Variants in CNOT7 observed in about 807,000 individuals in gnomAD.
CNOT7 encodes the protein BTG1-binding factor 1.
Under a neutral mutation model 37.1 loss-of-function variants are expected in CNOT7, and 4 were observed. That is an observed-to-expected ratio of 0.11 (90% CI 0.05 to 0.25). CNOT7 has a LOEUF of 0.25. Ranked by LOEUF, CNOT7 falls within the 10% of genes least tolerant of loss-of-function variation. The pLI is 1.00. For missense variants in CNOT7, 170 were observed against 336.2 expected (o/e 0.51, Z 3.87); for synonymous variants, 128 against 115.6 (o/e 1.11, Z -0.69).
chr8:17,231,396 G>C, intron 6 of CNOT7: 1 of 355,812 alleles, frequency 2.8e-6, no homozygotes, highest in Non-Finnish European at 3.9e-6. Context: ...AAAATGCAAA[G>C]CTAAAAAATC....
At chr8:17,234,642 C>A in intron 5 of CNOT7, 74 bp downstream of exon 5, 1 of 1,464,970 alleles carries the variant, frequency 6.8e-7, no homozygotes, top group Non-Finnish European at 9.6e-7. Flanking sequence ...AAACAACATC[C>A]CAGCCTAGGC....
chr8:17,237,140 T>G (rs180715088), intron 4 of CNOT7, 72 bp downstream of exon 4: 6 of 1,458,672 alleles, frequency 4.1e-6, no homozygotes, highest in Non-Finnish European at 5.7e-6. Flanking sequence ...ATTGCTAACA[T>G]AGTGACCCAA....
rs896993904 is a variant in CNOT7 at position 17,225,731 on chromosome 8, G to C, written c.*4989C>G. On this transcript the variant is annotated 3_prime_UTR_variant, in exon 7 of 7. Transcript: ENST00000361272. ...TGTCTTAATAGAAAAATAAATGACAGGTAACGTTGTTATAAAAGAAACTCT... is the reference window on the plus strand; with the variant it reads ...TGTCTTAATAGAAAAATAAATGACACGTAACGTTGTTATAAAAGAAACTCT... The C allele has an allele frequency of 6.6e-6, 1 of 151,542 alleles. No individual in the cohort carries two copies. The highest frequency in any genetic ancestry group is 1.5e-5 in the Non-Finnish European group (1 of 67,654). The allele number at this position is 151,542 out of a possible 1,614,324, so 9.4% of individuals were successfully genotyped here.
chr8:17,240,648 ACT>A (rs1251254829), intron 3 of CNOT7, among the ~76,000 whole-genome samples: 6 of 152,230 alleles, frequency 3.9e-5, no homozygotes, highest in Non-Finnish European at 7.3e-5. Flanking sequence ...CTTCTCACGT[ACT>A]GAGATCACAA....
At chr8:17,237,444 T>C in intron 3 of CNOT7, 71 bp from the exon 4 acceptor site, 1 of 1,423,134 alleles carries the variant, frequency 7.0e-7, no homozygotes, top group East Asian at 2.3e-5. Flanking sequence ...TCTGCTTACA[T>C]CTATAACTAC....
chr8:17,235,104 C>T (rs1033347991), intron 4 of CNOT7, among the ~76,000 whole-genome samples: 3 of 152,112 alleles, frequency 2.0e-5, no homozygotes, highest in Admixed American at 6.5e-5. Context: ...ACCTACACTA[C>T]CAAACCAGCC....
intron 5 of CNOT7, among the ~76,000 whole-genome samples, chr8:17,233,639 G>T (rs1003428756): frequency 1.3e-5 from 2 of 152,118 alleles, no homozygotes; most frequent in Admixed American, 1.3e-4. Context: ...GCCTCAGCAT[G>T]CAGTGCTTTC....
intron 3 of CNOT7, among the ~76,000 whole-genome samples, chr8:17,240,469 G>A (rs182584091): frequency 3.3e-5 from 5 of 152,104 alleles, no homozygotes; most frequent in Admixed American, 3.3e-4. Context: ...CACCCCTAGT[G>A]TAAATGGTAG....
At position 17,243,961 on chromosome 8, in the gene CNOT7, C is replaced by T. The variant is rs796292198; in HGVS notation, c.118-776G>A. ...TATTAAAAATACTGAGACAAAGATA[C>T]ATCGGTTTAGTATTAGAATTCAAAC... is the stretch of plus-strand genomic sequence containing the variant. On this transcript the variant is annotated intron_variant, in intron 2 of 6. Coordinates refer to ENST00000361272, the MANE Select transcript of CNOT7 (RefSeq NM_013354.7). Among the ~76,000 whole-genome samples the T allele has an allele frequency of 2.7e-4, 41 of 152,250 alleles. 1 individual carries two copies. Among genetic ancestry groups the T allele is most frequent in the African/African-American group, 9.4e-4 (39 of 41,534 alleles).
At chr8:17,237,632 G>GC in intron 3 of CNOT7, 1 of 362,186 alleles carries the variant, frequency 2.8e-6, no homozygotes, top group Non-Finnish European at 5.1e-6. Context: ...AACTCTATTA[G>GC]CCTTTCATAC....
In CNOT7 at chr8:17,227,795, G is replaced by A. The variant is rs192496514; in HGVS notation, c.*2925C>T. The stretch of plus-strand genomic sequence containing the variant: ...ATAATAAAATAGTCCATATTCCAAT[G>A]TGCCTTGAAAGTGTAACATTCAAAG... On this transcript the variant is annotated 3_prime_UTR_variant, in exon 7 of 7. Transcript: ENST00000361272. 6.6e-6 allele frequency: 1 copy of A among 151,958 alleles called. No homozygotes were observed. Among genetic ancestry groups the A allele is most frequent in the East Asian group, 1.9e-4 (1 of 5,160 alleles). 9.4% of individuals were successfully genotyped at this position (151,958 alleles called of 1,614,324 possible). A position where few individuals can be genotyped will look rare whatever the true frequency, so the allele number is the denominator to read the frequency against.
rs1033842450 is a variant in CNOT7 at position 17,230,060 on chromosome 8, T to C, written c.*660A>G. Reference sequence around the variant, plus strand: ...ATGCCAATTAGAAACTGACAGACACTAGATGTGCTTGGAAGATTAAACACT... The same window carrying C: ...ATGCCAATTAGAAACTGACAGACACCAGATGTGCTTGGAAGATTAAACACT... On this transcript the variant is annotated 3_prime_UTR_variant, in exon 7 of 7. Transcript: ENST00000361272. 6 of 152,372 alleles carry C rather than the reference T, an allele frequency of 3.9e-5. No individual in the cohort carries two copies. The highest frequency in any genetic ancestry group is 1.4e-4 in the African/African-American group (6 of 41,412). The allele number at this position is 152,372 out of a possible 1,614,324, so 9.4% of individuals were successfully genotyped here. A position where few individuals can be genotyped will look rare whatever the true frequency, so the allele number is the denominator to read the frequency against.
chr8:17,241,209 C>CTACCTG (rs935431736), intron 3 of CNOT7: 3 of 151,982 alleles, frequency 2.0e-5, no homozygotes, highest in South Asian at 2.1e-4. Context: ...GTAGTGCTAG[C>CTACCTG]TACCTGTACC....
At chr8:17,244,802 C>A in intron 2 of CNOT7, 1 of 433,110 alleles carries the variant, frequency 2.3e-6, no homozygotes, top group Non-Finnish European at 4.1e-6. Flanking sequence ...TCAAACGGCC[C>A]ATGGTTCCCA....
In CNOT7 at chr8:17,246,720, G is replaced by A. The variant is rs1247658972; in HGVS notation, c.-141C>T. 1 of 191,210 alleles carries A rather than the reference G, an allele frequency of 5.2e-6. No homozygotes were observed. The highest frequency in any genetic ancestry group is 1.1e-5 in the Non-Finnish European group (1 of 92,338). 11.8% of individuals were successfully genotyped at this position (191,210 alleles called of 1,614,324 possible). A position where few individuals can be genotyped will look rare whatever the true frequency, so the allele number is the denominator to read the frequency against. ...TCCTCCTCCTCCTCCTCGCCATAGA[G>A]ACAGCACTCGGCGGCGGTGGCGGTG... On this transcript the variant is annotated 5_prime_UTR_variant, in exon 1 of 7. Transcript: ENST00000361272.
intron 6 of CNOT7, 131 bp downstream of exon 6, chr8:17,232,296 T>G (rs1808743179): frequency 2.0e-6 from 3 of 1,535,556 alleles, no homozygotes; most frequent in Non-Finnish European, 8.7e-7. Context: ...GTGTGGTGGA[T>G]GTGACTCATA....
rs914650619 is a variant in CNOT7, at chr8:17,228,018, A to G, written c.*2702T>C. 5.9e-5 allele frequency: 9 copies of G among 151,988 alleles called. No homozygotes were observed. Among genetic ancestry groups the G allele is most frequent in the South Asian group, 4.1e-4 (2 of 4,836 alleles). The allele number at this position is 151,988 out of a possible 1,614,324, so 9.4% of individuals were successfully genotyped here. A position where few individuals can be genotyped will look rare whatever the true frequency, so the allele number is the denominator to read the frequency against. On this transcript the variant is annotated 3_prime_UTR_variant, in exon 7 of 7. Coordinates refer to ENST00000361272, the MANE Select transcript of CNOT7 (RefSeq NM_013354.7). ...CTACTCAACTTTCCCATTATAGCAA[A>G]AAAGTATCCATAGATAATATGTAAA...
chr8:17,237,461 A>G (rs1197950972), intron 3 of CNOT7, 88 bp from the exon 4 acceptor site: 61 of 1,251,348 alleles, frequency 4.9e-5, no homozygotes, highest in Middle Eastern at 1.9e-4. Context: ...CTACAGTGCC[A>G]GAAAAGAGAC....
At chr8:17,239,771 G>T (rs1377347929) in intron 3 of CNOT7, among the ~76,000 whole-genome samples, 1 of 152,216 alleles carries the variant, frequency 6.6e-6, no homozygotes, top group Non-Finnish European at 1.5e-5. Flanking sequence ...GGGATTACAG[G>T]CGTGAGCCAC....
Sources: allele counts gnomAD v4.1 joint callset (sites outside exome capture counted in the v4.1 genomes callset), GRCh38; gene constraint gnomAD v4.1.1; transcripts MANE v1.5; gene names NCBI Gene and HGNC (gene_info 2026-07-23, HGNC 2026-07-21).